Variants in PRAM1 observed in about 807,000 individuals in gnomAD.
The protein encoded by PRAM1 is PML-RARA regulated adaptor molecule 1, also known as PML-RARA-regulated adapter molecule 1.
In PRAM1, 41 loss-of-function variants were observed where a neutral mutation model predicts 55.3. The ratio of observed to expected loss-of-function variants is 0.74; its 90% CI spans 0.58 to 0.96. The LOEUF (loss-of-function observed/expected upper bound fraction) is 0.96, where lower values mean the gene tolerates loss of function less well. PRAM1 is among the 40% of genes least tolerant of loss of function. PRAM1 has a pLI of 0.00. For missense variants in PRAM1, 898 were observed against 892.7 expected (o/e 1.01, Z -0.08); for synonymous variants, 401 against 387.1 (o/e 1.04, Z -0.42).
In PRAM1 at chr19:8,501,712, G is replaced by C. The variant is rs2112862; in HGVS notation, c.27+853C>G. 3.6e-3 allele frequency among the ~76,000 whole-genome samples: 550 copies of C among 152,178 alleles called. 3 individuals carry two copies. The highest frequency in any genetic ancestry group is 0.013 in the African/African-American group (525 of 41,522). On this transcript the variant is annotated intron_variant, in intron 1 of 9. Coordinates refer to ENST00000423345, the MANE Select transcript of PRAM1 (RefSeq NM_032152.5). ...TCAGCCTGACCATCAGGAAAACACA[G>C]AGATGCCTGGAGACGGCCATGCGGT...
chr19:8,501,763 G>A lies in PRAM1; in HGVS notation c.27+802C>T, dbSNP rs531936407. Among the ~76,000 whole-genome samples the A allele has an allele frequency of 1.1e-4, 17 of 152,258 alleles. No homozygotes were observed. In the East Asian group the frequency reaches 2.7e-3, roughly 24 times the overall value. ...CCCTCTCACACCGTCTCTGACATGC[G>A]GGCTGATGGTCAGGAATGCTCACAG... On this transcript the variant is annotated intron_variant, in intron 1 of 9. Transcript: ENST00000423345.
intron 4 of PRAM1, among the ~76,000 whole-genome samples, chr19:8,496,737 G>A (rs1207687019): frequency 2.0e-5 from 3 of 149,460 alleles, no homozygotes; most frequent in African/African-American, 7.4e-5. Flanking sequence ...ACAAAAAAAC[G>A]AATACATAAA....
At chr19:8,491,520 A>G in intron 4 of PRAM1, 1 of 348,404 alleles carries the variant, frequency 2.9e-6, no homozygotes, top group Non-Finnish European at 5.4e-6. Context: ...GGCGTGAGCC[A>G]CTGCGCCTGG....
intron 1 of PRAM1, 47 bp downstream of exon 1, chr19:8,502,518 T>C: frequency 7.2e-7 from 1 of 1,386,706 alleles, no homozygotes; most frequent in South Asian, 1.2e-5. Flanking sequence ...AACATCTGTG[T>C]CCCTTGCTTC....
intron 4 of PRAM1, among the ~76,000 whole-genome samples, chr19:8,495,262 G>T (rs1219465025): frequency 2.0e-5 from 3 of 151,980 alleles, no homozygotes; most frequent in Non-Finnish European, 4.4e-5. Flanking sequence ...ACCACACCTG[G>T]CGAATTTTTG....
At chr19:8,494,041 G>A (rs1599878242) in intron 4 of PRAM1, among the ~76,000 whole-genome samples, 1 of 152,078 alleles carries the variant, frequency 6.6e-6, no homozygotes, top group South Asian at 2.1e-4. Context: ...CAACTGATCC[G>A]CCTGCCTCCA....
At position 8,498,982 on chromosome 19, in the gene PRAM1, G is replaced by C; in HGVS notation, c.826C>G (p.Pro276Ala). ...SSAFPKKASQ[P>A]PLSDFPKKPP... ...TTCTTGGGAAAGTCACTCAGCGGAG[G>C]CTGGGAGGCCTTTTTGGGAAAGGCG... The change falls in exon 2 of 10, where the codon CCT becomes GCT. Residue 276 changes from proline to alanine, a missense_variant. Pro to Ala is a conservative substitution (Grantham distance 27). Coordinates refer to ENST00000423345, the MANE Select transcript of PRAM1 (RefSeq NM_032152.5). The C allele has an allele frequency of 6.2e-7, 1 of 1,613,976 alleles. No homozygotes were observed. Among genetic ancestry groups the C allele is most frequent in the Admixed American group, 1.7e-5 (1 of 60,018 alleles).
Position 8,490,224 on chromosome 19 carries a change from G to C in PRAM1, c.1978C>G (p.Pro660Ala), listed in dbSNP as rs377607401. The C allele has an allele frequency of 3.1e-6, 5 of 1,602,868 alleles. No individual in the cohort carries two copies. The highest frequency in any genetic ancestry group is 4.3e-6 in the Non-Finnish European group (5 of 1,173,722). ...AGGGGGAGTGGTTGGTTTTCCAGGG[G>C]ATCTGCCGAGGAAGCGTGACTTCCA... is the stretch of plus-strand genomic sequence containing the variant. Reference protein sequence around the residue: ...EVYDDVDFCDPLENQPLPLGR With the variant: ...EVYDDVDFCDALENQPLPLGR Residue 660 changes from proline to alanine, a missense_variant and splice_region_variant, in exon 10 of 10, where the codon CCC becomes GCC. By Grantham distance (27) the Pro-to-Ala change is conservative (BLOSUM62 -1). Coordinates refer to ENST00000423345, the MANE Select transcript of PRAM1 (RefSeq NM_032152.5). This position sits in a 1 kb window ranked among gnomAD's most constrained non-coding sequence, Gnocchi z 7.3.
intron 4 of PRAM1, chr19:8,491,385 C>T (rs1405918163): frequency 5.0e-6 from 3 of 596,990 alleles, no homozygotes; most frequent in Non-Finnish European, 8.9e-6. Flanking sequence ...AGGTGTCCAT[C>T]ACCACACCTG....
At chr19:8,495,902 C>G (rs1208229730) in intron 4 of PRAM1, among the ~76,000 whole-genome samples, 1 of 152,042 alleles carries the variant, frequency 6.6e-6, no homozygotes, top group Non-Finnish European at 1.5e-5. Context: ...AGGCAAGGTG[C>G]TTGCCTGGAA....
At chr19:8,495,994 T>C (rs1971694305) in intron 4 of PRAM1, 1 of 452,202 alleles carries the variant, frequency 2.2e-6, no homozygotes, top group African/African-American at 2.0e-5. Flanking sequence ...CAGCACAAAC[T>C]TCTAAGAAAC....
At position 8,498,420 on chromosome 19, in the gene PRAM1, G is replaced by A; in HGVS notation, c.1388C>T (p.Pro463Leu). 6.3e-7 allele frequency: 1 copy of A among 1,578,180 alleles called. No homozygotes were observed. The highest frequency in any genetic ancestry group is 8.6e-7 in the Non-Finnish European group (1 of 1,160,542). Residue 463 changes from proline to leucine, a missense_variant, in exon 2 of 10, where the codon CCC becomes CTC. Pro to Leu is a moderately conservative substitution (Grantham distance 98, BLOSUM62 -3). This residue lies in a region of PRAM1 where 787 missense variants were observed against 735.4 expected (regional missense o/e 1.07). Coordinates refer to ENST00000423345, the MANE Select transcript of PRAM1 (RefSeq NM_032152.5). The part of the protein sequence containing the change: ...PPAKPPLPPG[P>L]VDMQSFRRPS... ...TCTCCGAAAGCTCTGCATATCCACG[G>A]GCCCCGGGGGCAGCGGGGGCTTGGC...
At position 8,498,359 on chromosome 19, in the gene PRAM1, C is replaced by T. The variant is rs1327538157; in HGVS notation, c.1432+17G>A. The T allele has an allele frequency of 3.8e-6, 6 of 1,582,622 alleles. 1 individual carries two copies. The South Asian group carries it at 5.7e-5, about 15-fold the overall frequency. On this transcript the variant is annotated intron_variant, in intron 2 of 9. Transcript: ENST00000423345. ...CCTCAGCCCCCGCTCCTGCCGGTGC[C>T]GCCCGCCCTCACCCACCTATGGATG...
chr19:8,501,140 C>G (rs1315267387), intron 1 of PRAM1, among the ~76,000 whole-genome samples: 2 of 150,662 alleles, frequency 1.3e-5, no homozygotes, highest in African/African-American at 4.9e-5. Context: ...ACTCTGTCAC[C>G]CAGGTTGGAA....
At position 8,493,594 on chromosome 19, in the gene PRAM1, C is replaced by T. The variant is rs539460816; in HGVS notation, c.1577-2437G>A. 9.9e-4 allele frequency among the ~76,000 whole-genome samples: 150 copies of T among 151,380 alleles called. No homozygotes were observed. The highest frequency in any genetic ancestry group is 3.5e-3 in the African/African-American group (142 of 40,676). ...GCTCAGATCCCTGGGAAAGGCTGGGCTCTCCCCACCTGCAGAGGAGCCCCC... is the reference window on the plus strand; with the variant it reads ...GCTCAGATCCCTGGGAAAGGCTGGGTTCTCCCCACCTGCAGAGGAGCCCCC... On this transcript the variant is annotated intron_variant, in intron 4 of 9. Transcript: ENST00000423345. The surrounding 1 kb of genome is among the most constrained non-coding windows in gnomAD (Gnocchi z 4.1).
At chr19:8,496,736 C>T (rs565322497) in intron 4 of PRAM1, among the ~76,000 whole-genome samples, 5 of 150,762 alleles carry the variant, frequency 3.3e-5, no homozygotes, top group South Asian at 2.1e-4. Context: ...AACAAAAAAA[C>T]GAATACATAA....
In PRAM1 at chr19:8,490,083, AG is replaced by A. The variant is rs1971586124; in HGVS notation, c.*105del. The stretch of plus-strand genomic sequence containing the variant: ...CTTTAAACTGGGGCTTTATGTGGCC[AG>A]GTACAAGCCCAGGCAGCTCTGTGAC... On this transcript the variant is annotated 3_prime_UTR_variant, in exon 10 of 10. Coordinates refer to ENST00000423345, the MANE Select transcript of PRAM1 (RefSeq NM_032152.5). This position sits in a 1 kb window ranked among gnomAD's most constrained non-coding sequence, Gnocchi z 7.3. The A allele has an allele frequency of 9.0e-7, 1 of 1,115,782 alleles. No individual in the cohort carries two copies. Among genetic ancestry groups the A allele is most frequent in the Non-Finnish European group, 1.3e-6 (1 of 795,536 alleles). The allele number at this position is 1,115,782 out of a possible 1,614,324, so 69.1% of individuals were successfully genotyped here. A position where few individuals can be genotyped will look rare whatever the true frequency, so the allele number is the denominator to read the frequency against.
At chr19:8,496,280 G>C (rs530864931) in intron 4 of PRAM1, among the ~76,000 whole-genome samples, 20 of 152,290 alleles carry the variant, frequency 1.3e-4, no homozygotes, top group African/African-American at 4.6e-4. Context: ...TAGGCATGGT[G>C]GTGGGCGCCT....
Position 8,490,402 on chromosome 19 carries a change from G to A in PRAM1, c.1941-30C>T. 1 of 1,613,856 alleles carries A rather than the reference G, an allele frequency of 6.2e-7. No homozygotes were observed. Among genetic ancestry groups the A allele is most frequent in the Non-Finnish European group, 8.5e-7 (1 of 1,179,838 alleles). On this transcript the variant is annotated intron_variant, in intron 8 of 9. Coordinates refer to ENST00000423345, the MANE Select transcript of PRAM1 (RefSeq NM_032152.5). This position sits in a 1 kb window ranked among gnomAD's most constrained non-coding sequence, Gnocchi z 7.3. ...CAGAGCACAGTTGGGTCAGCAAGGG[G>A]CACCGTGGCCCATTCCCCCCACCCT...
Sources: gnomAD v4.1 joint callset for allele counts (sites outside exome capture counted in the v4.1 genomes callset) on GRCh38, gnomAD v4.1.1 for gene constraint, gnomAD v4.1.1 regional missense constraint, Gnocchi (gnomAD v3.1) non-coding constraint, MANE v1.5 for transcripts, NCBI Gene and HGNC (gene_info 2026-07-23, HGNC 2026-07-21) for gene names.